The following VPS13A variants were observed in gnomAD, a reference collection of about 807,000 sequenced individuals.
The protein encoded by VPS13A is vacuolar protein sorting 13 homolog A, also known as intermembrane lipid transfer protein VPS13A.
A neutral mutation model predicts 390.9 loss-of-function variants in VPS13A; 264 were observed. The ratio of observed to expected loss-of-function variants is 0.68; its 90% CI spans 0.61 to 0.75. The LOEUF (loss-of-function observed/expected upper bound fraction) is 0.75, where lower values mean the gene tolerates loss of function less well. Among genes scored for constraint, VPS13A ranks in the 30% least tolerant of loss-of-function variants. The pLI is 0.00. For synonymous variants in VPS13A, 1,231 were observed against 1,227.1 expected (o/e 1.00, Z -0.07); for missense variants, 3,409 against 3,733.9 (o/e 0.91, Z 2.27).
At chr9:77,395,932 A>G (rs914818823) in intron 68 of VPS13A, 1 of 152,190 alleles carries the variant, frequency 6.6e-6, no homozygotes, top group African/African-American at 2.4e-5. Context: ...AGCAGTTGAA[A>G]CAGTAAAACC....
At chr9:77,375,878 C>G (rs1220597398) in intron 67 of VPS13A, among the ~76,000 whole-genome samples, 2 of 152,154 alleles carry the variant, frequency 1.3e-5, no homozygotes, top group Non-Finnish European at 2.9e-5. Flanking sequence ...GTCCTGTGTT[C>G]ATACAGCTTA....
intron 70 of VPS13A, 108 bp from the exon 71 acceptor site, chr9:77,407,425 G>A: frequency 2.3e-6 from 2 of 870,648 alleles, no homozygotes; most frequent in Non-Finnish European, 1.9e-6. Flanking sequence ...TGCATGATTT[G>A]TATAAGAGGG....
intron 67 of VPS13A, among the ~76,000 whole-genome samples, chr9:77,376,822 G>A (rs1357361441): frequency 6.6e-6 from 1 of 152,170 alleles, no homozygotes; most frequent in Non-Finnish European, 1.5e-5. Context: ...AGATCACCAA[G>A]GGAATGAGAC....
intron 50 of VPS13A, among the ~76,000 whole-genome samples, chr9:77,341,691 C>CTTTTTTTTTTT (rs57841628): frequency 0.013 from 505 of 37,860 alleles, 65 homozygotes; most frequent in Non-Finnish European, 0.017. Flanking sequence ...GACATCTTTC[C>CTTTTTTTTTTT]TTTTTTTTTT....
At chr9:77,313,127 T>C (rs1342702639) in intron 35 of VPS13A, among the ~76,000 whole-genome samples, 1 of 152,184 alleles carries the variant, frequency 6.6e-6, no homozygotes, top group Admixed American at 6.5e-5. Flanking sequence ...CATGGTTGAA[T>C]CTCAGAAACA....
chr9:77,215,357 C>T (rs1035109627), intron 10 of VPS13A, among the ~76,000 whole-genome samples: 10 of 152,126 alleles, frequency 6.6e-5, no homozygotes, highest in Non-Finnish European at 1.5e-4. Flanking sequence ...TGTGCCCACT[C>T]TTAAAATAAT....
chr9:77,379,286 G>A (rs1200096501), intron 67 of VPS13A, among the ~76,000 whole-genome samples: 1 of 150,390 alleles, frequency 6.6e-6, no homozygotes, highest in Admixed American at 6.6e-5. Flanking sequence ...TGTTGCCCAG[G>A]CTGGAGTGCA....
intron 22 of VPS13A, among the ~76,000 whole-genome samples, chr9:77,255,074 C>A (rs894110189): frequency 6.6e-6 from 1 of 152,062 alleles, no homozygotes; most frequent in Non-Finnish European, 1.5e-5. Flanking sequence ...TAATCCTGAG[C>A]CCAGAGGAAA....
Position 77,415,993 on chromosome 9 carries a change from C to T in VPS13A, c.9512C>T (p.Ser3171Phe). 6.2e-7 allele frequency: 1 copy of T among 1,613,524 alleles called. No individual in the cohort carries two copies. Among genetic ancestry groups the T allele is most frequent in the Non-Finnish European group, 8.5e-7 (1 of 1,179,536 alleles). Residue 3171 changes from serine (S) to phenylalanine (F), a missense_variant, in exon 72 of 72, where the codon TCT (serine) becomes TTT (phenylalanine). Physicochemically the swap from Ser to Phe is radical, Grantham distance 155. Coordinates refer to ENST00000360280, the MANE Select transcript of VPS13A (RefSeq NM_033305.3). Reference protein sequence around the residue: ...LTKLQEAREPSPSL With the variant: ...LTKLQEAREPFPSL ...AAGCTACAAGAAGCAAGAGAACCTT[C>T]TCCGAGCCTCTGACAGAGAACACTG... is the stretch of plus-strand genomic sequence containing the variant.
At chr9:77,412,371 C>T (rs1330504750) in intron 71 of VPS13A, among the ~76,000 whole-genome samples, 1 of 152,196 alleles carries the variant, frequency 6.6e-6, no homozygotes, top group Non-Finnish European at 1.5e-5. Context: ...CCGAATCCAG[C>T]AGCACATCAA....
chr9:77,370,833 G>A lies in VPS13A; in HGVS notation c.8908-57G>A, dbSNP rs950937607. ...GTATTTTTTGTGTAATCCAAACTTG[G>A]TTCTTCTAGGCATCATAAAAAAGTA... On this transcript the variant is annotated intron_variant, in intron 65 of 71. Transcript: ENST00000360280. The A allele has an allele frequency of 2.5e-6, 4 of 1,607,280 alleles. No individual in the cohort carries two copies. The African/African-American group carries it at 4.0e-5, about 16-fold the overall frequency.
At chr9:77,208,918 A>C (rs1307894932) in intron 5 of VPS13A, among the ~76,000 whole-genome samples, 1 of 152,226 alleles carries the variant, frequency 6.6e-6, no homozygotes, top group Non-Finnish European at 1.5e-5. Flanking sequence ...TTTTCTGAAC[A>C]TGAAATAGTT....
chr9:77,314,381 C>T, intron 36 of VPS13A, 114 bp from the exon 37 acceptor site: 1 of 1,152,252 alleles, frequency 8.7e-7, no homozygotes, highest in Non-Finnish European at 1.3e-6. Context: ...CCTTCGGAGA[C>T]AGAATTTTGA....
chr9:77,386,979 C>A (rs1833715455), intron 68 of VPS13A, among the ~76,000 whole-genome samples: 1 of 152,090 alleles, frequency 6.6e-6, no homozygotes, highest in Non-Finnish European at 1.5e-5. Context: ...GCTGGGATTA[C>A]AGGCGTGAGC....
chr9:77,345,615 A>G (rs1486756397), intron 52 of VPS13A, among the ~76,000 whole-genome samples: 1 of 152,018 alleles, frequency 6.6e-6, no homozygotes, highest in African/African-American at 2.4e-5. Context: ...AACATTATTC[A>G]TTTTATTTGC....
intron 59 of VPS13A, among the ~76,000 whole-genome samples, chr9:77,363,967 T>C (rs937057565): frequency 6.6e-6 from 1 of 152,138 alleles, no homozygotes; most frequent in African/African-American, 2.4e-5. Flanking sequence ...GAGCACTATG[T>C]GTGGTGGGGT....
chr9:77,180,813 A>G (rs1458922773), intron 1 of VPS13A, among the ~76,000 whole-genome samples: 2 of 152,218 alleles, frequency 1.3e-5, no homozygotes, highest in Non-Finnish European at 2.9e-5. Flanking sequence ...CTGTCTTGAT[A>G]ACTGTGTCTT....
At chr9:77,301,727 C>T (rs1207098128) in intron 33 of VPS13A, among the ~76,000 whole-genome samples, 1 of 152,096 alleles carries the variant, frequency 6.6e-6, no homozygotes, top group Non-Finnish European at 1.5e-5. Flanking sequence ...TTTCTTCATT[C>T]CTGAGCATCA....
chr9:77,402,683 A>C (rs181903343), intron 68 of VPS13A, among the ~76,000 whole-genome samples: 6 of 152,344 alleles, frequency 3.9e-5, no homozygotes, highest in Admixed American at 3.3e-4. Flanking sequence ...GTGTTTCAAC[A>C]GTCTTGAAAA....
Sources: allele counts gnomAD v4.1 joint callset (sites outside exome capture counted in the v4.1 genomes callset), GRCh38; gene constraint gnomAD v4.1.1; transcripts MANE v1.5; gene names NCBI Gene and HGNC (gene_info 2026-07-23, HGNC 2026-07-21).